Variants in ANO1 observed in about 807,000 individuals in gnomAD.
ANO1 encodes anoctamin-1.
ANO1 carries 59 observed loss-of-function variants against 124.0 expected under a neutral mutation model. That is an observed-to-expected ratio of 0.48 (90% CI 0.39 to 0.59). ANO1 has a LOEUF of 0.59. Ranked by LOEUF, ANO1 falls within the 20% of genes least tolerant of loss-of-function variation. The probability of loss-of-function intolerance (pLI) is 0.00; values close to 1 mark genes in which losing one functional copy is unlikely to be tolerated. For missense variants in ANO1, 1,059 were observed against 1,328.0 expected (o/e 0.80, Z 3.15); for synonymous variants, 529 against 532.0 (o/e 0.99, Z 0.08).
At chr11:70,027,918 A>G (rs1856937683) in intron 1 of ANO1, among the ~76,000 whole-genome samples, 1 of 152,026 alleles carries the variant, frequency 6.6e-6, no homozygotes, top group Non-Finnish European at 1.5e-5. Flanking sequence ...GTAGAAAGCC[A>G]TTTCAATATT....
chr11:70,006,270 C>T (rs562914897), intron 1 of ANO1, among the ~76,000 whole-genome samples: 22 of 152,322 alleles, frequency 1.4e-4, no homozygotes, highest in African/African-American at 2.2e-4. Flanking sequence ...TCCACCCAAG[C>T]GTGTGTTCCC....
chr11:70,121,501 GTCTC>G (rs2046269272), intron 8 of ANO1, among the ~76,000 whole-genome samples: 1 of 122,832 alleles, frequency 8.1e-6, no homozygotes, highest in Non-Finnish European at 1.6e-5. Flanking sequence ...CTCTCTGTCT[GTCTC>G]TCTATCTCTG....
intron 1 of ANO1, among the ~76,000 whole-genome samples, 158 bp downstream of exon 1, chr11:70,078,872 G>C (rs2044113819): frequency 6.6e-6 from 1 of 150,824 alleles, no homozygotes; most frequent in African/African-American, 2.4e-5. Flanking sequence ...TGCGTGCCGG[G>C]AAGGGCGCGC....
intron 1 of ANO1, among the ~76,000 whole-genome samples, chr11:70,013,717 G>A (rs189406837): frequency 5.3e-5 from 8 of 151,276 alleles, no homozygotes; most frequent in South Asian, 2.1e-4. Context: ...CAGGAGAATC[G>A]TCCAAACTCG....
intron 15 of ANO1, 95 bp from the exon 16 acceptor site, chr11:70,156,852 G>A (rs988169609): frequency 4.2e-5 from 45 of 1,079,142 alleles, no homozygotes; most frequent in African/African-American, 6.3e-5. Flanking sequence ...GTTGTCCCTG[G>A]GCCCATGCAC....
chr11:69,968,842 C>T, the ANO1 span, among the ~76,000 whole-genome samples: 14 of 152,340 alleles, frequency 9.2e-5, no homozygotes, highest in African/African-American at 2.6e-4. Context: ...ACTACACAGC[C>T]CGCGGACTTT....
At chr11:70,157,647 G>T in intron 16 of ANO1, among the ~76,000 whole-genome samples, 1 of 152,124 alleles carries the variant, frequency 6.6e-6, no homozygotes, top group East Asian at 1.9e-4. Flanking sequence ...AGTAATTCAA[G>T]CCTGGGATTC....
chr11:70,033,564 C>G (rs1459086034), intron 1 of ANO1, among the ~76,000 whole-genome samples: 5 of 152,104 alleles, frequency 3.3e-5, no homozygotes, highest in Non-Finnish European at 7.3e-5. Context: ...TTTCTCTTCT[C>G]CCTGTGGCCT....
At chr11:70,118,101 C>T (rs915437418) in intron 8 of ANO1, among the ~76,000 whole-genome samples, 2 of 151,950 alleles carry the variant, frequency 1.3e-5, no homozygotes, top group Admixed American at 1.3e-4. Context: ...GATGCCTATC[C>T]TCCCCCTAAA....
intron 13 of ANO1, among the ~76,000 whole-genome samples, chr11:70,152,847 G>C (rs936956109): frequency 6.6e-6 from 1 of 152,244 alleles, no homozygotes; most frequent in Non-Finnish European, 1.5e-5. Context: ...CTCCCAATGG[G>C]CTGGGGTTCC....
intron 11 of ANO1, among the ~76,000 whole-genome samples, chr11:70,133,318 C>T (rs1052865813): frequency 6.6e-6 from 1 of 152,220 alleles, no homozygotes; most frequent in African/African-American, 2.4e-5. Context: ...GTAAGCAGAG[C>T]ATTGGCTGGC....
the ANO1 span, among the ~76,000 whole-genome samples, chr11:69,974,013 T>G: frequency 6.6e-6 from 1 of 151,982 alleles, no homozygotes; most frequent in Admixed American, 6.6e-5. Context: ...GTTCAGAAAG[T>G]CAGATATTAA....
intron 1 of ANO1, among the ~76,000 whole-genome samples, chr11:70,084,394 G>A (rs1008628079): frequency 6.6e-6 from 1 of 152,188 alleles, no homozygotes; most frequent in Non-Finnish European, 1.5e-5. Context: ...TCAGGGTGAC[G>A]GGGATGGCTC....
At chr11:70,159,044 G>C (rs553283149) in intron 16 of ANO1, among the ~76,000 whole-genome samples, 2 of 152,318 alleles carry the variant, frequency 1.3e-5, no homozygotes, top group South Asian at 4.1e-4. Flanking sequence ...CAGCATTGTC[G>C]CAGAAGGGCC....
chr11:70,160,401 GAGGT>G (rs2047997719), intron 16 of ANO1, among the ~76,000 whole-genome samples: 1 of 152,220 alleles, frequency 6.6e-6, no homozygotes, highest in South Asian at 2.1e-4. Flanking sequence ...CAGACAGACA[GAGGT>G]GTGTGGAACA....
At chr11:70,163,079 C>G (rs2048119733) in intron 18 of ANO1, among the ~76,000 whole-genome samples, 2 of 152,248 alleles carry the variant, frequency 1.3e-5, no homozygotes, top group African/African-American at 4.8e-5. Context: ...TGACCCCTCT[C>G]TGGGTTTGGG....
intron 19 of ANO1, chr11:70,163,661 GT>G: frequency 1.7e-6 from 1 of 575,574 alleles, no homozygotes; most frequent in Non-Finnish European, 3.0e-6. Context: ...TGAGGGACGG[GT>G]GCAGTGGCTC....
At chr11:70,083,795 A>C (rs1184615840) in intron 1 of ANO1, among the ~76,000 whole-genome samples, 1 of 152,118 alleles carries the variant, frequency 6.6e-6, no homozygotes, top group Non-Finnish European at 1.5e-5. Context: ...ACATCTCTAG[A>C]CAGTCCCTGG....
At chr11:70,153,191 G>T in intron 14 of ANO1, 63 bp downstream of exon 14, 1 of 1,402,082 alleles carries the variant, frequency 7.1e-7, no homozygotes, top group South Asian at 1.2e-5. Context: ...CAACCATGTA[G>T]ACCTGGGATC....
Sources: gnomAD v4.1 joint callset for allele counts (sites outside exome capture counted in the v4.1 genomes callset) on GRCh38, gnomAD v4.1.1 for gene constraint, MANE v1.5 for transcripts, NCBI Gene and HGNC (gene_info 2026-07-23, HGNC 2026-07-21) for gene names.